Variants in PPP4R4 observed in about 807,000 individuals in gnomAD.
The protein encoded by PPP4R4 is protein phosphatase 4 regulatory subunit 4, also known as serine/threonine-protein phosphatase 4 regulatory subunit 4.
PPP4R4 carries 70 observed loss-of-function variants against 121.8 expected under a neutral mutation model. That is an observed-to-expected ratio of 0.57 (90% CI 0.47 to 0.70). PPP4R4 has a LOEUF of 0.70. Among genes scored for constraint, PPP4R4 ranks in the 30% least tolerant of loss-of-function variants. The probability of loss-of-function intolerance (pLI) is 0.00; values close to 1 mark genes in which losing one functional copy is unlikely to be tolerated. For missense variants in PPP4R4, 875 were observed against 1,033.6 expected, an observed-to-expected ratio of 0.85 and a Z score of 2.10; for synonymous variants, 348 against 355.7, an observed-to-expected ratio of 0.98 and a Z score of 0.24.
intron 2 of PPP4R4, among the ~76,000 whole-genome samples, chr14:94,177,670 T>C (rs899399354): frequency 6.6e-5 from 10 of 152,236 alleles, no homozygotes; most frequent in Non-Finnish European, 1.0e-4. Flanking sequence ...TTACTTGTGA[T>C]AGAAGACACC....
chr14:94,242,553 A>T (rs1892689530), intron 11 of PPP4R4, 145 bp downstream of exon 11: 2 of 796,652 alleles, frequency 2.5e-6, no homozygotes, highest in East Asian at 5.8e-5. Flanking sequence ...AAATTTCCTT[A>T]ATTTTCTTCT....
At chr14:94,243,932 G>GT in intron 11 of PPP4R4, among the ~76,000 whole-genome samples, 1 of 151,822 alleles carries the variant, frequency 6.6e-6, no homozygotes, top group East Asian at 1.9e-4. Context: ...AAACAACCCT[G>GT]TTAGAGCAAA....
At chr14:94,259,153 A>G (rs1008448045) in intron 18 of PPP4R4, 142 bp from the exon 19 acceptor site, 2 of 1,347,538 alleles carry the variant, frequency 1.5e-6, no homozygotes, top group East Asian at 2.6e-5. Context: ...CTCCCACAAC[A>G]TGTGGGAATT....
chr14:94,264,324 A>G (rs1386810989), intron 19 of PPP4R4, among the ~76,000 whole-genome samples: 2 of 151,396 alleles, frequency 1.3e-5, no homozygotes, highest in Admixed American at 6.6e-5. Context: ...AATTTTTTTT[A>G]TGTTTTTAGT....
At chr14:94,213,765 A>G (rs1387698505) in intron 3 of PPP4R4, among the ~76,000 whole-genome samples, 1 of 152,184 alleles carries the variant, frequency 6.6e-6, no homozygotes, top group Non-Finnish European at 1.5e-5. Flanking sequence ...GAGCCTCTAG[A>G]TGGAATGTGG....
At chr14:94,221,761 A>T (rs1405317013) in intron 3 of PPP4R4, among the ~76,000 whole-genome samples, 1 of 152,134 alleles carries the variant, frequency 6.6e-6, no homozygotes, top group East Asian at 1.9e-4. Flanking sequence ...TGTTGGTGGG[A>T]ATATAAAATG....
intron 24 of PPP4R4, among the ~76,000 whole-genome samples, chr14:94,276,393 A>C (rs1348977375): frequency 6.6e-6 from 1 of 152,216 alleles, no homozygotes; most frequent in Non-Finnish European, 1.5e-5. Flanking sequence ...GGGCCTGGGT[A>C]ATTTATGAAG....
chr14:94,239,011 G>T (rs926305349), intron 8 of PPP4R4, among the ~76,000 whole-genome samples: 1 of 151,896 alleles, frequency 6.6e-6, no homozygotes, highest in African/African-American at 2.4e-5. Context: ...TTATCACAGA[G>T]CTGGGCCTAA....
At position 94,176,861 on chromosome 14, in the gene PPP4R4, G is replaced by A. The variant is rs570875414; in HGVS notation, c.191+734G>A. ...TGCGTTTATTTAAAATTGTTCATTA[G>A]CTTACACAACATATTTTTCCCTTTT... On this transcript the variant is annotated intron_variant, in intron 2 of 24. Transcript: ENST00000304338. Among the ~76,000 whole-genome samples the A allele has an allele frequency of 7.2e-5, 11 of 152,184 alleles. No homozygotes were observed. The South Asian group carries it at 2.3e-3, about 32-fold the overall frequency.
At chr14:94,214,590 T>G (rs997723143) in intron 3 of PPP4R4, among the ~76,000 whole-genome samples, 7 of 152,104 alleles carry the variant, frequency 4.6e-5, no homozygotes, top group African/African-American at 1.7e-4. Flanking sequence ...TTATAGAATT[T>G]TATGTCTCCT....
At chr14:94,265,330 T>G in intron 20 of PPP4R4, 57 bp from the exon 21 acceptor site, 2 of 1,252,468 alleles carry the variant, frequency 1.6e-6, no homozygotes, top group Non-Finnish European at 2.3e-6. Flanking sequence ...TGTGTATTTA[T>G]GGAGATTAAT....
chr14:94,196,745 G>A (rs868292474), intron 2 of PPP4R4, among the ~76,000 whole-genome samples: 1 of 151,388 alleles, frequency 6.6e-6, no homozygotes, highest in Non-Finnish European at 1.5e-5. Flanking sequence ...ATTCTTTCCT[G>A]AGTTCTATCA....
At chr14:94,201,959 C>T (rs1431385628) in intron 2 of PPP4R4, among the ~76,000 whole-genome samples, 1 of 150,024 alleles carries the variant, frequency 6.7e-6, no homozygotes, top group Non-Finnish European at 1.5e-5. Flanking sequence ...TATATATATA[C>T]ATATATATAC....
At chr14:94,210,233 A>G (rs1486131434) in intron 3 of PPP4R4, among the ~76,000 whole-genome samples, 1 of 151,728 alleles carries the variant, frequency 6.6e-6, no homozygotes, top group Non-Finnish European at 1.5e-5. Context: ...ACAAAGAATC[A>G]AATGTATCAT....
chr14:94,218,576 T>C (rs1185479576), intron 3 of PPP4R4, among the ~76,000 whole-genome samples: 7 of 64,276 alleles, frequency 1.1e-4, no homozygotes, highest in East Asian at 5.3e-4. Flanking sequence ...CCCTAGACAC[T>C]GCACGCGCAC....
chr14:94,251,906 C>T lies in PPP4R4; in HGVS notation c.1865+10C>T. The T allele has an allele frequency of 6.4e-7, 1 of 1,559,082 alleles. No homozygotes were observed. Among genetic ancestry groups the T allele is most frequent in the East Asian group, 2.3e-5 (1 of 43,732 alleles). ...CAGTAGCAAATGTGAGGTATGTTATCAATGAAGGAAAATATTGGAAATTGT... is the reference window on the plus strand; with the variant it reads ...CAGTAGCAAATGTGAGGTATGTTATTAATGAAGGAAAATATTGGAAATTGT... On this transcript the variant is annotated intron_variant, in intron 16 of 24. Transcript: ENST00000304338.
At chr14:94,208,956 T>C (rs1890604135) in intron 3 of PPP4R4, among the ~76,000 whole-genome samples, 1 of 151,908 alleles carries the variant, frequency 6.6e-6, no homozygotes, top group Non-Finnish European at 1.5e-5. Context: ...TAATTGACCC[T>C]ATGATGACTT....
chr14:94,265,094 C>A, intron 20 of PPP4R4, 147 bp downstream of exon 20: 2 of 738,314 alleles, frequency 2.7e-6, no homozygotes, highest in Admixed American at 6.4e-5. Flanking sequence ...TGAAAATTGG[C>A]CACTTAATGT....
intron 2 of PPP4R4, among the ~76,000 whole-genome samples, chr14:94,196,351 C>T (rs1282173515): frequency 1.2e-4 from 13 of 108,308 alleles, no homozygotes; most frequent in African/African-American, 4.2e-4. Context: ...TTCATTCTGT[C>T]GTCCAGGCTG....
Sources: allele counts gnomAD v4.1 joint callset (sites outside exome capture counted in the v4.1 genomes callset), GRCh38; gene constraint gnomAD v4.1.1; transcripts MANE v1.5; gene names NCBI Gene and HGNC (gene_info 2026-07-23, HGNC 2026-07-21).